NALF1: variants seen among roughly 807,000 people sequenced by gnomAD.
The protein encoded by NALF1 is NALCN channel auxiliary factor 1.
A neutral mutation model predicts 48.4 loss-of-function variants in NALF1; 3 were observed. The observed-to-expected ratio is 0.06, with a 90% CI of 0.03 to 0.16. The LOEUF (loss-of-function observed/expected upper bound fraction) is 0.16. NALF1 is among the 10% of genes least tolerant of loss of function. NALF1 has a pLI of 1.00. For missense variants in NALF1, 526 were observed against 571.5 expected, an observed-to-expected ratio of 0.92 and a Z score of 0.81; for synonymous variants, 262 against 245.7, an observed-to-expected ratio of 1.07 and a Z score of -0.62.
At chr13:107,816,025 A>C (rs1470419279) in intron 1 of NALF1, among the ~76,000 whole-genome samples, 1 of 152,190 alleles carries the variant, frequency 6.6e-6, no homozygotes, top group East Asian at 1.9e-4. Flanking sequence ...AGGCTTTCTT[A>C]CGGACAGAGA....
chr13:107,720,972 C>A (rs911825411), intron 1 of NALF1, among the ~76,000 whole-genome samples: 2 of 152,068 alleles, frequency 1.3e-5, no homozygotes, highest in Non-Finnish European at 2.9e-5. Flanking sequence ...ATTGCTAAAT[C>A]CATTTGTATC....
chr13:107,850,761 A>G (rs746229310), intron 1 of NALF1, among the ~76,000 whole-genome samples: 1 of 151,978 alleles, frequency 6.6e-6, no homozygotes, highest in Non-Finnish European at 1.5e-5. Context: ...AAATTAGCCG[A>G]ACGTGGTGGC....
In NALF1 at chr13:107,172,309, TCTTA is replaced by T. The variant is rs768932274; in HGVS notation, c.1088-1527_1088-1524del. ...CAATTGCTCATTTTAATTTCAATTT[TCTTA>T]CTTATCTGTCAATTTAAAAGCATAA... is the stretch of plus-strand genomic sequence containing the variant. On this transcript the variant is annotated intron_variant, in intron 2 of 2. Coordinates refer to ENST00000375915, the MANE Select transcript of NALF1 (RefSeq NM_001080396.3). 3.3e-5 allele frequency among the ~76,000 whole-genome samples: 5 copies of T among 152,374 alleles called. No individual in the cohort carries two copies. The East Asian group carries it at 5.8e-4, about 18-fold the overall frequency.
chr13:107,365,934 G>A (rs941432471), intron 1 of NALF1, among the ~76,000 whole-genome samples: 6 of 152,168 alleles, frequency 3.9e-5, no homozygotes, highest in South Asian at 2.1e-4. Flanking sequence ...CGATGAAATC[G>A]GAAGTTCAAT....
chr13:107,774,605 C>A (rs1054526371), intron 1 of NALF1, among the ~76,000 whole-genome samples: 3 of 152,162 alleles, frequency 2.0e-5, no homozygotes, highest in African/African-American at 7.2e-5. Flanking sequence ...TTACTACATT[C>A]TCTGTAGTTC....
At chr13:107,563,752 C>A (rs1877711817) in intron 1 of NALF1, among the ~76,000 whole-genome samples, 1 of 152,192 alleles carries the variant, frequency 6.6e-6, no homozygotes, top group Non-Finnish European at 1.5e-5. Context: ...GCAGCAGCAC[C>A]AGCTGTTATG....
Position 107,747,254 on chromosome 13 carries a change from C to T in NALF1, c.915+118428G>A, listed in dbSNP as rs138403645. ...ATTTGCTATTCCTGATGGTGATTTA[C>T]ATGTTTTCCCTTATCCCTACATGTT... On this transcript the variant is annotated intron_variant, in intron 1 of 2. Coordinates refer to ENST00000375915, the MANE Select transcript of NALF1 (RefSeq NM_001080396.3). Among the ~76,000 whole-genome samples, 132 of 152,272 alleles carry T rather than the reference C, an allele frequency of 8.7e-4. 1 individual carries two copies. The Middle Eastern group carries it at 0.01, about 12-fold the overall frequency.
At chr13:107,549,686 C>T (rs1394732914) in intron 1 of NALF1, among the ~76,000 whole-genome samples, 2 of 152,148 alleles carry the variant, frequency 1.3e-5, no homozygotes, top group African/African-American at 4.8e-5. Flanking sequence ...CTGTTTACCA[C>T]TACATACTTA....
intron 2 of NALF1, among the ~76,000 whole-genome samples, chr13:107,196,256 C>A (rs747923132): frequency 1.1e-4 from 17 of 152,192 alleles, no homozygotes; most frequent in Non-Finnish European, 2.5e-4. Context: ...CATGACATGA[C>A]TTTACCTATA....
intron 1 of NALF1, among the ~76,000 whole-genome samples, chr13:107,342,658 GAAGTT>G (rs924025652): frequency 4.6e-5 from 7 of 152,138 alleles, no homozygotes; most frequent in African/African-American, 1.7e-4. Flanking sequence ...GTGTACAATT[GAAGTT>G]AAGTTGATAA....
At chr13:107,401,129 T>C (rs1248026400) in intron 1 of NALF1, among the ~76,000 whole-genome samples, 2 of 152,204 alleles carry the variant, frequency 1.3e-5, no homozygotes, top group East Asian at 3.9e-4. Context: ...AGTTTAAATG[T>C]TACTGCATTC....
chr13:107,529,758 T>C (rs191760209), intron 1 of NALF1, among the ~76,000 whole-genome samples: 5 of 152,184 alleles, frequency 3.3e-5, no homozygotes, highest in Admixed American at 3.3e-4. Flanking sequence ...CTGACTGCCA[T>C]GTGAGAGAGG....
At chr13:107,639,592 GC>G (rs1880093969) in intron 1 of NALF1, among the ~76,000 whole-genome samples, 2 of 140,812 alleles carry the variant, frequency 1.4e-5, no homozygotes, top group African/African-American at 5.0e-5. Context: ...CCTGTGCATA[GC>G]CCCATACCAC....
At chr13:107,219,652 C>T (rs1879950359) in intron 1 of NALF1, among the ~76,000 whole-genome samples, 1 of 152,186 alleles carries the variant, frequency 6.6e-6, no homozygotes, top group Non-Finnish European at 1.5e-5. Flanking sequence ...CTTCCATAAT[C>T]TACAATCTAT....
At chr13:107,719,061 T>A (rs1025519013) in intron 1 of NALF1, among the ~76,000 whole-genome samples, 8 of 152,204 alleles carry the variant, frequency 5.3e-5, no homozygotes, top group African/African-American at 1.7e-4. Context: ...ATGAGATAAT[T>A]TACGTAGAGT....
At chr13:107,430,289 C>T (rs1346942468) in intron 1 of NALF1, among the ~76,000 whole-genome samples, 1 of 150,172 alleles carries the variant, frequency 6.7e-6, no homozygotes, top group Non-Finnish European at 1.5e-5. Flanking sequence ...AATATTTTAA[C>T]TTTTTTTTTT....
chr13:107,866,245 G>C lies in NALF1; in HGVS notation c.352C>G (p.Gln118Glu), dbSNP rs749672680. The C allele has an allele frequency of 1.8e-4, 281 of 1,592,286 alleles. No individual in the cohort carries two copies. Among genetic ancestry groups the C allele is most frequent in the Non-Finnish European group, 2.3e-4 (265 of 1,171,202 alleles). The stretch of plus-strand genomic sequence containing the variant: ...GAGGCGGAGAGGAGTCTGTGTGCCT[G>C]GGCGGCGGGCGAGGACTCCCCCATG... ...ASMGESSPAA[Q>E]AHRLLSASSS... Residue 118 changes from glutamine (Q) to glutamate (E), a missense_variant, in exon 1 of 3, where the codon CAG becomes GAG. Physicochemically the swap from Gln to Glu is conservative, Grantham distance 29. Around this residue, in one of 2 missense-constraint regions of NALF1, gnomAD observed 373 missense variants for 355.5 expected, o/e 1.05. Coordinates refer to ENST00000375915, the MANE Select transcript of NALF1 (RefSeq NM_001080396.3). This position sits in a 1 kb window ranked among gnomAD's most constrained non-coding sequence, Gnocchi z 4.4.
At chr13:107,764,195 T>C (rs1877357883) in intron 1 of NALF1, among the ~76,000 whole-genome samples, 2 of 152,136 alleles carry the variant, frequency 1.3e-5, no homozygotes, top group Non-Finnish European at 2.9e-5. Flanking sequence ...TAGGCCAAAG[T>C]TTATTACTTA....
At chr13:107,764,454 C>T (rs530982066) in intron 1 of NALF1, among the ~76,000 whole-genome samples, 5 of 151,812 alleles carry the variant, frequency 3.3e-5, no homozygotes, top group Middle Eastern at 3.4e-3. Context: ...TTTGTGCGTA[C>T]GTATGTAGAC....
Sources: allele counts gnomAD v4.1 joint callset (sites outside exome capture counted in the v4.1 genomes callset), GRCh38; gene constraint gnomAD v4.1.1; regional missense constraint gnomAD v4.1.1; non-coding constraint Gnocchi (gnomAD v3.1); transcripts MANE v1.5; gene names NCBI Gene and HGNC (gene_info 2026-07-23, HGNC 2026-07-21).